The following RTN4IP1 variants were observed in gnomAD, a reference collection of about 807,000 sequenced individuals.
RTN4IP1 encodes the protein NAD(P)H oxidoreductase RTN4IP1, mitochondrial.
In RTN4IP1, 32 loss-of-function variants were observed where a neutral mutation model predicts 46.6. The ratio of observed to expected loss-of-function variants is 0.69; its 90% CI spans 0.52 to 0.92. The LOEUF is 0.92. Ranked by LOEUF, RTN4IP1 falls within the 40% of genes least tolerant of loss-of-function variation. The pLI, the probability that RTN4IP1 is intolerant of heterozygous loss-of-function variation, is 0.00. For missense variants in RTN4IP1, 424 were observed against 485.8 expected (o/e 0.87, Z 1.20); for synonymous variants, 167 against 161.8 (o/e 1.03, Z -0.24).
intron 5 of RTN4IP1, among the ~76,000 whole-genome samples, chr6:106,592,785 C>T (rs531226503): frequency 1.3e-4 from 20 of 152,230 alleles, no homozygotes; most frequent in Admixed American, 5.2e-4. Flanking sequence ...ATTAGCTGGA[C>T]ATGGTAGCGG....
chr6:106,580,434 A>G (rs1167578591), intron 8 of RTN4IP1, among the ~76,000 whole-genome samples: 1 of 152,056 alleles, frequency 6.6e-6, no homozygotes, highest in African/African-American at 2.4e-5. Context: ...AATATCTATT[A>G]AAGGCTAAGT....
At chr6:106,576,095 G>C (rs528874594) in intron 8 of RTN4IP1, among the ~76,000 whole-genome samples, 1 of 152,298 alleles carries the variant, frequency 6.6e-6, no homozygotes, top group Non-Finnish European at 1.5e-5. Flanking sequence ...GTATTTCCTG[G>C]GTTGGGGTAA....
intron 2 of RTN4IP1, 86 bp downstream of exon 2, chr6:106,622,732 C>T: frequency 7.2e-7 from 1 of 1,380,306 alleles, no homozygotes; most frequent in Non-Finnish European, 9.8e-7. Context: ...GGCAAAGTAT[C>T]TGTGTCAGTG....
chr6:106,629,062 C>G lies in RTN4IP1; in HGVS notation c.-41G>C. 6.4e-7 allele frequency: 1 copy of G among 1,568,922 alleles called. No homozygotes were observed. The highest frequency in any genetic ancestry group is 8.6e-7 in the Non-Finnish European group (1 of 1,156,592). On this transcript the variant is annotated 5_prime_UTR_variant, in exon 1 of 9. Transcript: ENST00000369063. Reference sequence around the variant, plus strand: ...AACTGCGTGCTCAAATTCAAATACACTTGGACTGGATCAAACTCTCACCCC... The same window carrying G: ...AACTGCGTGCTCAAATTCAAATACAGTTGGACTGGATCAAACTCTCACCCC...
chr6:106,576,042 T>C (rs1775219240), intron 8 of RTN4IP1, among the ~76,000 whole-genome samples: 1 of 152,190 alleles, frequency 6.6e-6, no homozygotes, highest in African/African-American at 2.4e-5. Context: ...GTTCCAGCAC[T>C]ACCTCCTGGA....
chr6:106,600,425 A>G (rs540116794), intron 5 of RTN4IP1, among the ~76,000 whole-genome samples: 1 of 152,138 alleles, frequency 6.6e-6, no homozygotes, highest in African/African-American at 2.4e-5. Flanking sequence ...AAATTCATAT[A>G]TATCACCATT....
At chr6:106,593,682 T>C (rs986906032) in intron 5 of RTN4IP1, among the ~76,000 whole-genome samples, 3 of 152,214 alleles carry the variant, frequency 2.0e-5, no homozygotes, top group African/African-American at 7.2e-5. Flanking sequence ...AAAGGGTTTT[T>C]AACTTATTCA....
At chr6:106,618,624 G>A (rs72945071) in intron 4 of RTN4IP1, among the ~76,000 whole-genome samples, 5,930 of 152,258 alleles carry the variant, frequency 0.039, 168 homozygotes, top group Non-Finnish European at 0.059. Flanking sequence ...GTACATCTGA[G>A]ACATTTCTGG....
chr6:106,604,378 T>C (rs1323398196), intron 4 of RTN4IP1, among the ~76,000 whole-genome samples: 1 of 152,190 alleles, frequency 6.6e-6, no homozygotes, highest in Non-Finnish European at 1.5e-5. Context: ...GAAGAAATTT[T>C]AAAGATCCTG....
chr6:106,613,650 C>G (rs1195364079), intron 4 of RTN4IP1, among the ~76,000 whole-genome samples: 1 of 152,308 alleles, frequency 6.6e-6, no homozygotes, highest in East Asian at 1.9e-4. Flanking sequence ...GACTCCTCTT[C>G]TTGGCCAAGG....
intron 3 of RTN4IP1, among the ~76,000 whole-genome samples, chr6:106,620,261 T>C (rs1187335541): frequency 1.3e-5 from 2 of 152,102 alleles, no homozygotes; most frequent in African/African-American, 4.8e-5. Flanking sequence ...CCCAACACCA[T>C]GCCCGGCTAA....
chr6:106,608,733 T>C (rs1041923006), intron 4 of RTN4IP1, among the ~76,000 whole-genome samples: 3 of 152,222 alleles, frequency 2.0e-5, no homozygotes, highest in Non-Finnish European at 4.4e-5. Context: ...AGAGGTAAAG[T>C]ACCTTTTGCC....
At chr6:106,595,925 A>C (rs913744497) in intron 5 of RTN4IP1, among the ~76,000 whole-genome samples, 1 of 152,254 alleles carries the variant, frequency 6.6e-6, no homozygotes, top group East Asian at 1.9e-4. Context: ...TTATCAGTTT[A>C]TAAGATAATA....
At chr6:106,611,254 A>G (rs1450505607) in intron 4 of RTN4IP1, among the ~76,000 whole-genome samples, 1 of 152,140 alleles carries the variant, frequency 6.6e-6, no homozygotes, top group Non-Finnish European at 1.5e-5. Context: ...AATGATGATG[A>G]CAGAAGTGTA....
intron 4 of RTN4IP1, chr6:106,607,868 C>T (rs1212737462): frequency 6.6e-6 from 1 of 152,144 alleles, no homozygotes; most frequent in African/African-American, 2.4e-5. Flanking sequence ...GAAAAGGGGA[C>T]TCTTATACAC....
In RTN4IP1 at chr6:106,582,582, C is replaced by T. The variant is rs553211813; in HGVS notation, c.1083+746G>A. 5.9e-5 allele frequency among the ~76,000 whole-genome samples: 9 copies of T among 152,240 alleles called. 1 individual carries two copies. The highest frequency in any genetic ancestry group is 6.8e-3 in the Middle Eastern group (2 of 294). Reference sequence around the variant, plus strand: ...CTCACACAACCCTCTAAAAGTTCTCCATCCTATAAGTCCATATAATCTCTC... The same window carrying T: ...CTCACACAACCCTCTAAAAGTTCTCTATCCTATAAGTCCATATAATCTCTC... On this transcript the variant is annotated intron_variant, in intron 8 of 8. Coordinates refer to ENST00000369063, the MANE Select transcript of RTN4IP1 (RefSeq NM_032730.5).
chr6:106,587,722 C>T lies in RTN4IP1; in HGVS notation c.947G>A (p.Gly316Asp), dbSNP rs764831004. Reference protein sequence around the residue: ...LNMDRLGIADGMLQTGVTVGS... With the variant: ...LNMDRLGIADDMLQTGVTVGS... ...TACAGTGACTCCTGTCTGCAACATGCCATCTGCTATGCCCAATCGGTCCAT... is the reference window on the plus strand; with the variant it reads ...TACAGTGACTCCTGTCTGCAACATGTCATCTGCTATGCCCAATCGGTCCAT... The change falls in exon 7 of 9, where the codon GGC becomes GAC. Residue 316 changes from glycine (G) to aspartate (D), a missense_variant. Physicochemically the swap from Gly to Asp is moderately conservative, Grantham distance 94 (BLOSUM62 -1). Transcript: ENST00000369063. The T allele has an allele frequency of 5.0e-6, 8 of 1,613,384 alleles. No individual in the cohort carries two copies. Among genetic ancestry groups the T allele is most frequent in the Non-Finnish European group, 6.8e-6 (8 of 1,179,906 alleles).
chr6:106,606,485 T>C (rs1252490576), intron 4 of RTN4IP1, among the ~76,000 whole-genome samples: 2 of 152,012 alleles, frequency 1.3e-5, no homozygotes, highest in Non-Finnish European at 2.9e-5. Flanking sequence ...CATTTCTATA[T>C]ACCAACAATG....
At chr6:106,602,409 T>G (rs1344573061) in intron 5 of RTN4IP1, among the ~76,000 whole-genome samples, 1 of 152,214 alleles carries the variant, frequency 6.6e-6, no homozygotes, top group Non-Finnish European at 1.5e-5. Flanking sequence ...TACCAATTTC[T>G]ACATTTTGCA....
Sources: allele counts gnomAD v4.1 joint callset (sites outside exome capture counted in the v4.1 genomes callset), GRCh38; gene constraint gnomAD v4.1.1; transcripts MANE v1.5; gene names NCBI Gene and HGNC (gene_info 2026-07-23, HGNC 2026-07-21).